TAFA5: variants seen among roughly 807,000 people sequenced by gnomAD.
The protein encoded by TAFA5 is chemokine-like protein TAFA-5.
A neutral mutation model predicts 15.3 loss-of-function variants in TAFA5; 6 were observed. The observed-to-expected ratio is 0.39, with a 90% CI of 0.21 to 0.77. The LOEUF is 0.77. TAFA5 is among the 30% of genes least tolerant of loss of function. TAFA5 has a pLI of 0.41. For synonymous variants in TAFA5, 103 were observed against 80.7 expected (o/e 1.28, Z -1.48); for missense variants, 161 against 193.1 (o/e 0.83, Z 0.98).
At chr22:48,656,171 G>T (rs535120118) in intron 2 of TAFA5, among the ~76,000 whole-genome samples, 1 of 152,042 alleles carries the variant, frequency 6.6e-6, no homozygotes, top group Non-Finnish European at 1.5e-5. Flanking sequence ...GGTGTTGCTT[G>T]CTCTCTAGAG....
intron 2 of TAFA5, among the ~76,000 whole-genome samples, chr22:48,697,605 GTGGTGATGA>G (rs1201262587): frequency 1.2e-5 from 1 of 84,898 alleles, no homozygotes; most frequent in Non-Finnish European, 2.5e-5. Flanking sequence ...GAGGATGGTG[GTGGTGATGA>G]TGGTGATGAA....
At chr22:48,536,684 C>T (rs193014513) in intron 1 of TAFA5, among the ~76,000 whole-genome samples, 10 of 152,364 alleles carry the variant, frequency 6.6e-5, no homozygotes, top group East Asian at 3.9e-4. Context: ...CCAAGGCTTC[C>T]GGCTCCCTGT....
intron 1 of TAFA5, chr22:48,539,553 T>C (rs750386301): frequency 1.7e-5 from 8 of 459,072 alleles, no homozygotes; most frequent in Non-Finnish European, 3.2e-5. Flanking sequence ...CCACTTTCTG[T>C]ATTTTTTTAA....
chr22:48,628,820 A>G (rs17763993), intron 1 of TAFA5, among the ~76,000 whole-genome samples: 23,318 of 152,246 alleles, frequency 0.15, 1,979 homozygotes, highest in African/African-American at 0.18. Context: ...TATCAGACAC[A>G]TCGGCGTGTT....
intron 1 of TAFA5, among the ~76,000 whole-genome samples, chr22:48,592,438 G>T (rs1284159249): frequency 1.3e-5 from 2 of 152,230 alleles, no homozygotes; most frequent in Admixed American, 6.5e-5. Flanking sequence ...GCCACTACAG[G>T]CAGGGGCTTG....
chr22:48,718,081 TG>T (rs1929455717), intron 3 of TAFA5, among the ~76,000 whole-genome samples: 1 of 152,126 alleles, frequency 6.6e-6, no homozygotes, highest in African/African-American at 2.4e-5. Context: ...GCAGGGCTGC[TG>T]CGGACAGCAG....
chr22:48,656,090 C>T (rs1414454345), intron 2 of TAFA5, among the ~76,000 whole-genome samples: 3 of 151,618 alleles, frequency 2.0e-5, no homozygotes, highest in Admixed American at 2.0e-4. Flanking sequence ...GATCCATCTG[C>T]CTCGGTCTCC....
chr22:48,697,621 TGAA>T (rs1033599380), intron 2 of TAFA5, among the ~76,000 whole-genome samples: 33 of 151,256 alleles, frequency 2.2e-4, no homozygotes, highest in African/African-American at 6.8e-4. Context: ...ATGATGGTGA[TGAA>T]GACAGTATGG....
intron 2 of TAFA5, among the ~76,000 whole-genome samples, chr22:48,667,604 G>C (rs899640098): frequency 6.6e-6 from 1 of 152,146 alleles, no homozygotes; most frequent in African/African-American, 2.4e-5. Flanking sequence ...TTGAGACTCC[G>C]CACTGCGTTA....
chr22:48,620,575 G>A (rs1188078230), intron 1 of TAFA5, among the ~76,000 whole-genome samples: 1 of 12,498 alleles, frequency 8.0e-5, no homozygotes, highest in African/African-American at 3.5e-4. Context: ...AATCATCCAT[G>A]TATCCATCCG....
At chr22:48,688,946 C>T (rs1928449003) in intron 2 of TAFA5, among the ~76,000 whole-genome samples, 2 of 147,282 alleles carry the variant, frequency 1.4e-5, no homozygotes, top group Non-Finnish European at 3.0e-5. Context: ...GAGCCAAAAT[C>T]GCACCACTGC....
chr22:48,669,991 T>A (rs1436469812), intron 2 of TAFA5, among the ~76,000 whole-genome samples: 1 of 152,204 alleles, frequency 6.6e-6, no homozygotes, highest in African/African-American at 2.4e-5. Context: ...CAGTCCTGGC[T>A]GTTACTGCCC....
chr22:48,690,550 C>T (rs1279039164), intron 2 of TAFA5, among the ~76,000 whole-genome samples: 3 of 152,220 alleles, frequency 2.0e-5, no homozygotes, highest in African/African-American at 7.2e-5. Context: ...GCCAGGGCCC[C>T]TGCATCCTCC....
chr22:48,688,992 G>GGA (rs1335137694), intron 2 of TAFA5, among the ~76,000 whole-genome samples: 1 of 82,560 alleles, frequency 1.2e-5, no homozygotes, highest in Non-Finnish European at 2.5e-5. Context: ...ACTTGTCTCG[G>GGA]AAAAAAAAAA....
At chr22:48,691,818 G>C (rs1245020075) in intron 2 of TAFA5, among the ~76,000 whole-genome samples, 1 of 152,242 alleles carries the variant, frequency 6.6e-6, no homozygotes, top group Non-Finnish European at 1.5e-5. Flanking sequence ...GCGAGGTGCT[G>C]CCTGTGGAGA....
intron 1 of TAFA5, among the ~76,000 whole-genome samples, chr22:48,580,070 T>C (rs1923977075): frequency 6.6e-6 from 1 of 152,220 alleles, no homozygotes; most frequent in African/African-American, 2.4e-5. Flanking sequence ...CGCGGCACGG[T>C]GTACCCGGGC....
intron 1 of TAFA5, among the ~76,000 whole-genome samples, chr22:48,632,816 G>A (rs1016971788): frequency 5.3e-5 from 8 of 152,330 alleles, no homozygotes; most frequent in Admixed American, 2.6e-4. Flanking sequence ...GCTCCAGGGC[G>A]GAGTCTCTGC....
intron 2 of TAFA5, among the ~76,000 whole-genome samples, chr22:48,681,661 A>G (rs1487993143): frequency 3.3e-5 from 5 of 151,442 alleles, no homozygotes; most frequent in African/African-American, 1.2e-4. Flanking sequence ...CAAAAAAAAA[A>G]AAAAAGAAAA....
intron 1 of TAFA5, among the ~76,000 whole-genome samples, chr22:48,551,548 C>A (rs1176713294): frequency 6.6e-6 from 1 of 152,226 alleles, no homozygotes. Context: ...GAATTCCGCT[C>A]CAGAACTCCT....
Sources: gnomAD v4.1 joint callset for allele counts (sites outside exome capture counted in the v4.1 genomes callset) on GRCh38, gnomAD v4.1.1 for gene constraint, MANE v1.5 for transcripts, NCBI Gene and HGNC (gene_info 2026-07-23, HGNC 2026-07-21) for gene names.